Variants in COL1A1 observed in about 807,000 individuals in gnomAD.
The protein encoded by COL1A1 is collagen type I alpha 1 chain.
Under a neutral mutation model 195.7 loss-of-function variants are expected in COL1A1, and 21 were observed. The observed-to-expected ratio is 0.11, with a 90% CI of 0.08 to 0.15. COL1A1 has a LOEUF of 0.15. COL1A1 is among the 10% of genes least tolerant of loss of function. The pLI, the probability that COL1A1 is intolerant of heterozygous loss-of-function variation, is 1.00. For synonymous variants in COL1A1, 749 were observed against 747.3 expected, an observed-to-expected ratio of 1.00 and a Z score of -0.04; for missense variants, 1,365 against 2,051.0, an observed-to-expected ratio of 0.67 and a Z score of 6.46.
rs369742817 is a variant in COL1A1, at chr17:50,186,341, G to A, written c.3981C>T (p.Gly1327=). The change falls in exon 49 of 51, where the codon GGC becomes GGT. Residue 1327 remains glycine (G), a synonymous_variant. Coordinates refer to ENST00000225964, the MANE Select transcript of COL1A1 (RefSeq NM_000088.4). This position sits in a 1 kb window ranked among gnomAD's most constrained non-coding sequence, Gnocchi z 5.3. The part of the protein sequence containing the change: ...NPKDKRHVWF[G]ESMTDGFQFE... ...CCTGGAATCCATCGGTCATGCTCTC[G>A]CCGAACCAGACATGCCTCTTGTCCT... 8.7e-6 allele frequency: 14 copies of A among 1,614,096 alleles called. No individual in the cohort carries two copies. The highest frequency in any genetic ancestry group is 1.3e-5 in the African/African-American group (1 of 74,938).
Position 50,201,589 on chromosome 17 carries a change from C to G in COL1A1, c.-76G>C, listed in dbSNP as rs1036238882. The stretch of plus-strand genomic sequence containing the variant: ...TCCGCTCATGCGTGGCCTCACACTC[C>G]GCGTGCCTCCTGCTCCGACCCCGAG... On this transcript the variant is annotated 5_prime_UTR_variant, in exon 1 of 51. Coordinates refer to ENST00000225964, the MANE Select transcript of COL1A1 (RefSeq NM_000088.4). 1.3e-5 allele frequency: 17 copies of G among 1,336,728 alleles called. No individual in the cohort carries two copies. Among genetic ancestry groups the G allele is most frequent in the Non-Finnish European group, 1.6e-5 (16 of 975,564 alleles). The allele number at this position is 1,336,728 out of a possible 1,614,324, so 82.8% of individuals were successfully genotyped here.
At position 50,191,904 on chromosome 17, in the gene COL1A1, G is replaced by A; in HGVS notation, c.2029-18C>T. On this transcript the variant is annotated intron_variant, in intron 30 of 50. Coordinates refer to ENST00000225964, the MANE Select transcript of COL1A1 (RefSeq NM_000088.4). ...CTCTCGCCCTAGAAGGGAAGGACAG[G>A]GCATGTGAAGGCTGCTCTGGAGATA... 1 of 1,604,138 alleles carries A rather than the reference G, an allele frequency of 6.2e-7. No individual in the cohort carries two copies. The highest frequency in any genetic ancestry group is 1.7e-5 in the Admixed American group (1 of 58,554).
intron 9 of COL1A1, among the ~76,000 whole-genome samples, 160 bp downstream of exon 9, chr17:50,197,572 C>T (rs756028195): frequency 3.1e-4 from 47 of 152,196 alleles, no homozygotes; most frequent in Admixed American, 8.5e-4. Flanking sequence ...AATCATCTCA[C>T]TAAGCGAAAA....
intron 9 of COL1A1, 110 bp downstream of exon 9, chr17:50,197,622 T>C: frequency 2.2e-6 from 2 of 891,980 alleles, no homozygotes; most frequent in South Asian, 3.3e-5. Flanking sequence ...AGAGAGGACT[T>C]GCCCTCCTTC....
In COL1A1 at chr17:50,190,624, G is replaced by T. The variant is rs990301394; in HGVS notation, c.2344-28C>A. 1 of 1,611,126 alleles carries T rather than the reference G, an allele frequency of 6.2e-7. No individual in the cohort carries two copies. The highest frequency in any genetic ancestry group is 2.2e-5 in the East Asian group (1 of 44,834). Reference sequence around the variant, plus strand: ...GAGAGCAAGGGACAAGAGGCTCAGGGTCAGGGCCTCCCCTGAATACTCCTA... The same window carrying T: ...GAGAGCAAGGGACAAGAGGCTCAGGTTCAGGGCCTCCCCTGAATACTCCTA... On this transcript the variant is annotated intron_variant, in intron 33 of 50. Transcript: ENST00000225964. The surrounding 1 kb of genome is among the most constrained non-coding windows in gnomAD (Gnocchi z 4.7).
rs753888456 is a variant in COL1A1, at chr17:50,198,508, G to T, written c.472-4C>A. ...AAGACAGCTGGGGAGCAAAGTTCTA[G>T]AACAAACAAGAGAAGTCAGAGTGAG... On this transcript the variant is annotated splice_polypyrimidine_tract_variant and splice_region_variant and intron_variant, in intron 5 of 50. Transcript: ENST00000225964. The T allele has an allele frequency of 1.9e-6, 3 of 1,610,530 alleles. No individual in the cohort carries two copies. Among genetic ancestry groups the T allele is most frequent in the African/African-American group, 2.7e-5 (2 of 74,894 alleles).
chr17:50,197,143 C>T (rs1207298435), intron 10 of COL1A1, 37 bp downstream of exon 10: 1 of 1,613,936 alleles, frequency 6.2e-7, no homozygotes. Context: ...AGCCCAAGTG[C>T]AGTGAAGCCC....
chr17:50,190,836 G>T lies in COL1A1; in HGVS notation c.2324C>A (p.Ala775Asp), dbSNP rs768156884. Residue 775 changes from alanine to aspartate, a missense_variant, in exon 33 of 51, where the codon GCT (alanine) becomes GAT (aspartate). This residue lies in a region of COL1A1 where 671 missense variants were observed against 1,099.9 expected (regional missense o/e 0.61). Coordinates refer to ENST00000225964, the MANE Select transcript of COL1A1 (RefSeq NM_000088.4). The surrounding 1 kb of genome is among the most constrained non-coding windows in gnomAD (Gnocchi z 4.7). ...CCTCACCTTGTCACCAGGGGCACCAGCAGGGCCAGGAGGACCAATGGGGCC... is the reference window on the plus strand; with the variant it reads ...CCTCACCTTGTCACCAGGGGCACCATCAGGGCCAGGAGGACCAATGGGGCC... ...LTGPIGPPGP[A>D]GAPGDKGESG... 1.9e-6 allele frequency: 3 copies of T among 1,613,324 alleles called. No individual in the cohort carries two copies. Among genetic ancestry groups the T allele is most frequent in the Non-Finnish European group, 2.5e-6 (3 of 1,179,428 alleles).
chr17:50,191,256 A>T (rs1907050324), intron 32 of COL1A1, 127 bp downstream of exon 32: 2 of 928,140 alleles, frequency 2.2e-6, no homozygotes, highest in Non-Finnish European at 3.5e-6. Flanking sequence ...CAGAGGGGAA[A>T]GGGGAAGAAG....
In COL1A1 at chr17:50,190,358, G is replaced by A; in HGVS notation, c.2420C>T (p.Pro807Leu). Residue 807 changes from proline (P) to leucine (L), a missense_variant, in exon 35 of 51, where the codon CCC (proline) becomes CTC (leucine). Physicochemically the swap from Pro to Leu is moderately conservative, Grantham distance 98. Around this residue, in one of 5 missense-constraint regions of COL1A1, gnomAD observed 671 missense variants for 1,099.9 expected, o/e 0.61. Transcript: ENST00000225964. This position sits in a 1 kb window ranked among gnomAD's most constrained non-coding sequence, Gnocchi z 4.7. The part of the protein sequence containing the change: ...GAPGDRGEPG[P>L]PGPAGFAGPP... The stretch of plus-strand genomic sequence containing the variant: ...GCCAGCAAAGCCAGCAGGGCCGGGG[G>A]GACCAGGCTCACCACGGTCTCCCTA... 2 of 1,611,702 alleles carry A rather than the reference G, an allele frequency of 1.2e-6. No individual in the cohort carries two copies. The highest frequency in any genetic ancestry group is 8.5e-7 in the Non-Finnish European group (1 of 1,177,808).
Position 50,194,274 on chromosome 17 carries a change from C to T in COL1A1, c.1614+75G>A. ...AGAGGGCAGACCCTTGGGCCTGATC[C>T]AGAACGCCTCATCCCAGACCCTACA... On this transcript the variant is annotated intron_variant, in intron 23 of 50. Coordinates refer to ENST00000225964, the MANE Select transcript of COL1A1 (RefSeq NM_000088.4). This position sits in a 1 kb window ranked among gnomAD's most constrained non-coding sequence, Gnocchi z 6.8. 1 of 1,599,962 alleles carries T rather than the reference C, an allele frequency of 6.3e-7. No individual in the cohort carries two copies.
chr17:50,190,368 C>T lies in COL1A1; in HGVS notation c.2410G>A (p.Glu804Lys). The change falls in exon 35 of 51, where the codon GAG (glutamate) becomes AAG (lysine). Residue 804 changes from glutamate to lysine, a missense_variant. Coordinates refer to ENST00000225964, the MANE Select transcript of COL1A1 (RefSeq NM_000088.4). This position sits in a 1 kb window ranked among gnomAD's most constrained non-coding sequence, Gnocchi z 4.7. Reference sequence around the variant, plus strand: ...CCAGCAGGGCCGGGGGGACCAGGCTCACCACGGTCTCCCTAGAAGAAAAGG... The same window carrying T: ...CCAGCAGGGCCGGGGGGACCAGGCTTACCACGGTCTCCCTAGAAGAAAAGG... ...GARGAPGDRG[E>K]PGPPGPAGFA... 1 of 1,611,964 alleles carries T rather than the reference C, an allele frequency of 6.2e-7. No individual in the cohort carries two copies. Among genetic ancestry groups the T allele is most frequent in the Non-Finnish European group, 8.5e-7 (1 of 1,178,282 alleles).
Position 50,198,481 on chromosome 17 carries a change from A to G in COL1A1, c.495T>C (p.Tyr165=). 1 of 1,613,434 alleles carries G rather than the reference A, an allele frequency of 6.2e-7. No homozygotes were observed. The part of the protein sequence containing the change: ...LGGNFAPQLS[Y]GYDEKSTGGI... ...CTCCGGTTGATTTCTCATCATAGCCATAAGACAGCTGGGGAGCAAAGTTCT... is the reference window on the plus strand; with the variant it reads ...CTCCGGTTGATTTCTCATCATAGCCGTAAGACAGCTGGGGAGCAAAGTTCT... The change falls in exon 6 of 51, where the codon TAT becomes TAC. Residue 165 remains tyrosine, a synonymous_variant. Coordinates refer to ENST00000225964, the MANE Select transcript of COL1A1 (RefSeq NM_000088.4).
In COL1A1 at chr17:50,185,595, G is replaced by A. The variant is rs1467776318; in HGVS notation, c.4302C>T (p.Thr1434=). The part of the protein sequence containing the change: ...KTVIEYKTTK[T]SRLPIIDVAP... ...CCACATCGATGATGGGCAGGCGGGAGGTCTTGGTGGTTTTGTATTCAATCA... is the reference window on the plus strand; with the variant it reads ...CCACATCGATGATGGGCAGGCGGGAAGTCTTGGTGGTTTTGTATTCAATCA... The change falls in exon 51 of 51, where the codon ACC becomes ACT. Residue 1434 remains threonine, a synonymous_variant. Coordinates refer to ENST00000225964, the MANE Select transcript of COL1A1 (RefSeq NM_000088.4). The A allele has an allele frequency of 1.2e-5, 20 of 1,613,944 alleles. No homozygotes were observed. The highest frequency in any genetic ancestry group is 1.6e-5 in the Non-Finnish European group (19 of 1,180,028).
rs771990895 is a variant in COL1A1 at position 50,201,490 on chromosome 17, C to T, written c.24G>A (p.Arg8=). 4 of 1,612,342 alleles carry T rather than the reference C, an allele frequency of 2.5e-6. No homozygotes were observed. Among genetic ancestry groups the T allele is most frequent in the Non-Finnish European group, 3.4e-6 (4 of 1,180,028 alleles). MFSFVDL[R]LLLLLAATAL... is the part of the protein sequence containing the mutation. Reference sequence around the variant, plus strand: ...CGGTGGCCGCTAAGAGGAGCAGGAGCCGGAGGTCCACAAAGCTGAACATGT... The same window carrying T: ...CGGTGGCCGCTAAGAGGAGCAGGAGTCGGAGGTCCACAAAGCTGAACATGT... Residue 8 remains arginine (R), a synonymous_variant, in exon 1 of 51, where the codon CGG becomes CGA. Coordinates refer to ENST00000225964, the MANE Select transcript of COL1A1 (RefSeq NM_000088.4).
Position 50,196,376 on chromosome 17 carries a change from C to A in COL1A1, c.904-9G>T, listed in dbSNP as rs141726413. ...GGCAGGCCACGGGGGCCCTGACAAC[C>A]AAACCAAGAGAAGTCAGATGAGATG... On this transcript the variant is annotated splice_polypyrimidine_tract_variant and intron_variant, in intron 13 of 50. Transcript: ENST00000225964. 14,962 of 1,613,882 alleles carry A rather than the reference C, an allele frequency of 9.3e-3. 90 individuals carry two copies. Among genetic ancestry groups the A allele is most frequent in the Non-Finnish European group, 0.011 (13,110 of 1,179,856 alleles).
At position 50,188,151 on chromosome 17, in the gene COL1A1, T is replaced by TG; in HGVS notation, c.3208-3dup. 6.4e-7 allele frequency: 1 copy of TG among 1,553,072 alleles called. No homozygotes were observed. Among genetic ancestry groups the TG allele is most frequent in the Non-Finnish European group, 8.7e-7 (1 of 1,147,018 alleles). On this transcript the variant is annotated splice_region_variant and splice_polypyrimidine_tract_variant and intron_variant, in intron 43 of 50. Transcript: ENST00000225964. The surrounding 1 kb of genome is among the most constrained non-coding windows in gnomAD (Gnocchi z 5.6). Reference sequence around the variant, plus strand: ...AGGACCGGCGGGACCAGCAGGACCCTGGGGAGAGCAAGGAAAGCATGAGCT... The same window carrying TG: ...AGGACCGGCGGGACCAGCAGGACCCTGGGGGAGAGCAAGGAAAGCATGAGCT...
Position 50,187,486 on chromosome 17 carries a change from G to T in COL1A1, c.3421C>A (p.Arg1141=), listed in dbSNP as rs72656314. 3 of 1,613,982 alleles carry T rather than the reference G, an allele frequency of 1.9e-6. No homozygotes were observed. The highest frequency in any genetic ancestry group is 1.1e-5 in the South Asian group (1 of 91,060). The change falls in exon 46 of 51, where the codon CGA becomes AGA. Residue 1141 remains arginine (R), a splice_region_variant and synonymous_variant. Transcript: ENST00000225964. ...AGGAGAGAGAAGGCATGACTTACTC[G>T]GGGACCAGCAGGACCAGAGGCTCCA... ...PSGASGPAGP[R]GPPGSAGAPG...
intron 11 of COL1A1, 94 bp from the exon 12 acceptor site, chr17:50,196,764 A>G: frequency 7.3e-7 from 1 of 1,369,546 alleles, no homozygotes; most frequent in Non-Finnish European, 1.0e-6. Context: ...TTGGGAGGTC[A>G]TCACCGCCAT....
Sources: gnomAD v4.1 joint callset for allele counts (sites outside exome capture counted in the v4.1 genomes callset) on GRCh38, gnomAD v4.1.1 for gene constraint, gnomAD v4.1.1 regional missense constraint, Gnocchi (gnomAD v3.1) non-coding constraint, MANE v1.5 for transcripts, NCBI Gene and HGNC (gene_info 2026-07-23, HGNC 2026-07-21) for gene names.